Variants in TECR observed in about 807,000 individuals in gnomAD.
TECR encodes trans-2,3-enoyl-CoA reductase, also known as very-long-chain enoyl-CoA reductase.
Under a neutral mutation model 50.6 loss-of-function variants are expected in TECR, and 19 were observed. The ratio of observed to expected loss-of-function variants is 0.38; its 90% CI spans 0.26 to 0.55. TECR has a LOEUF of 0.55. Among genes scored for constraint, TECR ranks in the 20% least tolerant of loss-of-function variants. The pLI is 0.79. For missense variants in TECR, 313 were observed against 408.3 expected, an observed-to-expected ratio of 0.77 and a Z score of 2.01; for synonymous variants, 168 against 163.5, an observed-to-expected ratio of 1.03 and a Z score of -0.21.
At chr19:14,562,367 G>A in intron 1 of TECR, 158 bp from the exon 2 acceptor site, 1 of 773,670 alleles carries the variant, frequency 1.3e-6, no homozygotes, top group Non-Finnish European at 2.3e-6. Context: ...CGTGGGCAGA[G>A]CCGAGTGGCA....
At chr19:14,540,185 G>A (rs368785420) in intron 1 of TECR, among the ~76,000 whole-genome samples, 7 of 151,612 alleles carry the variant, frequency 4.6e-5, no homozygotes, top group East Asian at 1.9e-4. Context: ...TCAGCCTCCC[G>A]AGTAGCTGGG....
intron 1 of TECR, among the ~76,000 whole-genome samples, chr19:14,538,633 A>G (rs1298272133): frequency 6.7e-6 from 1 of 150,328 alleles, no homozygotes; most frequent in Non-Finnish European, 1.5e-5. Context: ...CCTGGGTTCA[A>G]GTGATTGTCC....
At position 14,563,282 on chromosome 19, in the gene TECR, G is replaced by GC. The variant is rs748570128; in HGVS notation, c.118+29dup. 1.3e-6 allele frequency: 2 copies of GC among 1,596,002 alleles called. No individual in the cohort carries two copies. The highest frequency in any genetic ancestry group is 2.2e-5 in the South Asian group (2 of 90,722). On this transcript the variant is annotated intron_variant, in intron 3 of 12. Transcript: ENST00000215567. The surrounding 1 kb of genome is among the most constrained non-coding windows in gnomAD (Gnocchi z 5.3). ...CGTGAGTTCTAGTCCCGGCCACACT[G>GC]CCCCTGCAACCCCTTTGACCAGGGA...
intron 1 of TECR, among the ~76,000 whole-genome samples, chr19:14,535,543 A>AATAT (rs747348455): frequency 0.011 from 345 of 32,622 alleles, 1 homozygote; most frequent in East Asian, 0.019. Context: ...AAAAAAAAAA[A>AATAT]ATATATATAT....
rs2073965840 is a variant in TECR at position 14,563,473 on chromosome 19, C to T, written c.119-185C>T. On this transcript the variant is annotated intron_variant, in intron 3 of 12. Coordinates refer to ENST00000215567, the MANE Select transcript of TECR (RefSeq NM_138501.6). The surrounding 1 kb of genome is among the most constrained non-coding windows in gnomAD (Gnocchi z 5.3). ...GGGAAGGACAAGATCCTGCTTCTGC[C>T]CGCGCTCTTCTGGCTTGTGTCCTGA... is the stretch of plus-strand genomic sequence containing the variant. The T allele has an allele frequency of 1.2e-6, 1 of 853,972 alleles. No individual in the cohort carries two copies. The highest frequency in any genetic ancestry group is 1.7e-5 in the African/African-American group (1 of 59,424). 52.9% of individuals were successfully genotyped at this position (853,972 alleles called of 1,614,324 possible). A position where few individuals can be genotyped will look rare whatever the true frequency, so the allele number is the denominator to read the frequency against.
rs1023387387 is a variant in TECR, at chr19:14,565,549, C to G, written c.754-69C>G. On this transcript the variant is annotated intron_variant, in intron 11 of 12. Coordinates refer to ENST00000215567, the MANE Select transcript of TECR (RefSeq NM_138501.6). ...AGCAGGGGCGGCGGGAGGTGGCTGG[C>G]TGAGTCCAGGACAGCCACATACACG... 1.9e-6 allele frequency: 3 copies of G among 1,565,130 alleles called. No individual in the cohort carries two copies. The African/African-American group carries it at 4.1e-5, about 21-fold the overall frequency.
At chr19:14,547,110 G>C in intron 1 of TECR, among the ~76,000 whole-genome samples, 1 of 140,956 alleles carries the variant, frequency 7.1e-6, no homozygotes, top group East Asian at 1.9e-4. Context: ...CAACGTCAAA[G>C]CAAAAAGAGA....
chr19:14,542,971 C>T (rs953812219), intron 1 of TECR, among the ~76,000 whole-genome samples: 1 of 151,612 alleles, frequency 6.6e-6, no homozygotes, highest in Non-Finnish European at 1.5e-5. Context: ...TATGCAGTCT[C>T]CTGGGTCCTT....
chr19:14,563,670 A>ACCCCGCCCGCCAGTC lies in TECR; in HGVS notation c.134_148dup (p.Pro45_Ser49dup). On this transcript the variant is annotated inframe_insertion, in exon 4 of 13. Transcript: ENST00000215567. This position sits in a 1 kb window ranked among gnomAD's most constrained non-coding sequence, Gnocchi z 5.3. Reference sequence around the variant, plus strand: ...GTTCTCCCCGCAGATCCGCAGTGGTACCCCGCCCGCCAGTCCCTCCGCCTG... The same window carrying ACCCCGCCCGCCAGTC: ...GTTCTCCCCGCAGATCCGCAGTGGTACCCCGCCCGCCAGTCCCCCGCCCGCCAGTCCCTCCGCCTG... 1 of 1,606,702 alleles carries ACCCCGCCCGCCAGTC rather than the reference A, an allele frequency of 6.2e-7. No individual in the cohort carries two copies. The highest frequency in any genetic ancestry group is 1.1e-5 in the South Asian group (1 of 90,562).
intron 1 of TECR, among the ~76,000 whole-genome samples, chr19:14,549,940 C>A (rs1388575110): frequency 6.6e-6 from 1 of 150,822 alleles, no homozygotes; most frequent in Non-Finnish European, 1.5e-5. Context: ...GAGACTCTGT[C>A]TCAAAAAAAA....
rs1235166233 is a variant in TECR, at chr19:14,563,521, G to A, written c.119-137G>A. 3 of 1,142,694 alleles carry A rather than the reference G, an allele frequency of 2.6e-6. No homozygotes were observed. The Admixed American group carries it at 5.7e-5, about 22-fold the overall frequency. The allele number at this position is 1,142,694 out of a possible 1,614,324, so 70.8% of individuals were successfully genotyped here. On this transcript the variant is annotated intron_variant, in intron 3 of 12. Transcript: ENST00000215567. This position sits in a 1 kb window ranked among gnomAD's most constrained non-coding sequence, Gnocchi z 5.3. Reference sequence around the variant, plus strand: ...TGAAACCGCACAAGCCTGAGGGTTTGCCCCCAGGTGGGAGGAGCTGTGGAG... The same window carrying A: ...TGAAACCGCACAAGCCTGAGGGTTTACCCCCAGGTGGGAGGAGCTGTGGAG...
upstream of TECR, chr19:14,529,356 C>T: frequency 4.1e-6 from 2 of 483,454 alleles, no homozygotes; most frequent in Non-Finnish European, 3.8e-6. Context: ...CAAAGGGACG[C>T]GCGGGGCAGA....
chr19:14,562,369 C>T (rs547787867), intron 1 of TECR, 156 bp from the exon 2 acceptor site: 131 of 780,194 alleles, frequency 1.7e-4, no homozygotes, highest in Non-Finnish European at 2.5e-4. Flanking sequence ...TGGGCAGAGC[C>T]GAGTGGCAGG....
At chr19:14,541,555 G>A (rs1022625291) in intron 1 of TECR, among the ~76,000 whole-genome samples, 1 of 152,150 alleles carries the variant, frequency 6.6e-6, no homozygotes, top group Admixed American at 6.6e-5. Flanking sequence ...GCTAAGAATC[G>A]TGGGATGAAC....
At chr19:14,546,393 C>T (rs182169232) in intron 1 of TECR, among the ~76,000 whole-genome samples, 245 of 152,166 alleles carry the variant, frequency 1.6e-3, no homozygotes, top group Non-Finnish European at 2.8e-3. Context: ...TCAAGACCAG[C>T]CTGGTCAACA....
intron 1 of TECR, among the ~76,000 whole-genome samples, chr19:14,547,901 C>T (rs181292918): frequency 1.1e-4 from 17 of 151,300 alleles, no homozygotes; most frequent in Admixed American, 1.1e-3. Flanking sequence ...GTCTTGGACT[C>T]TGGGCCTCGA....
In TECR at chr19:14,565,729, C is replaced by G; in HGVS notation, c.800-15C>G. 6.2e-7 allele frequency: 1 copy of G among 1,612,410 alleles called. No homozygotes were observed. Among genetic ancestry groups the G allele is most frequent in the South Asian group, 1.1e-5 (1 of 90,988 alleles). The stretch of plus-strand genomic sequence containing the variant: ...GGGCCGGCAGCCCCTCCCTGACGCC[C>G]GTTCTTTCCTGCAGTGGCCCTGTTC... On this transcript the variant is annotated splice_polypyrimidine_tract_variant and intron_variant, in intron 12 of 12. Transcript: ENST00000215567.
chr19:14,564,589 G>T, intron 7 of TECR, 197 bp from the exon 8 acceptor site: 1 of 428,058 alleles, frequency 2.3e-6, no homozygotes, highest in Non-Finnish European at 4.2e-6. Context: ...TCACCCCTAG[G>T]CCCCTCCTGT....
At chr19:14,529,255 T>C (rs1447826783), upstream of TECR, 3 of 315,820 alleles carry the variant, frequency 9.5e-6, no homozygotes, top group Non-Finnish European at 1.9e-5. Flanking sequence ...GGATGCTGCC[T>C]TGCCTGTCAC....
Sources: gnomAD v4.1 joint callset for allele counts (sites outside exome capture counted in the v4.1 genomes callset) on GRCh38, gnomAD v4.1.1 for gene constraint, Gnocchi (gnomAD v3.1) non-coding constraint, MANE v1.5 for transcripts, NCBI Gene and HGNC (gene_info 2026-07-23, HGNC 2026-07-21) for gene names.